Variants in SPOCK1 observed in about 807,000 individuals in gnomAD.
SPOCK1 encodes testican-1.
Under a neutral mutation model 55.3 loss-of-function variants are expected in SPOCK1, and 23 were observed. That is an observed-to-expected ratio of 0.42 (90% CI 0.30 to 0.59). SPOCK1 has a LOEUF of 0.59. Among genes scored for constraint, SPOCK1 ranks in the 20% least tolerant of loss-of-function variants. The pLI, the probability that SPOCK1 is intolerant of heterozygous loss-of-function variation, is 0.22. For missense variants in SPOCK1, 499 were observed against 552.5 expected (o/e 0.90, Z 0.97); for synonymous variants, 226 against 221.0 (o/e 1.02, Z -0.20).
rs6899243 is a variant in SPOCK1, at chr5:137,229,878, G to A, written c.232+37132C>T. On this transcript the variant is annotated intron_variant, in intron 3 of 10. Coordinates refer to ENST00000394945, the MANE Select transcript of SPOCK1 (RefSeq NM_004598.4). ...CGTACTCCTATGAGAATCTAATACC[G>A]CAACTGATCTGACAGGAGGCAGAGC... 3.1e-3 allele frequency among the ~76,000 whole-genome samples: 476 copies of A among 152,190 alleles called. 5 individuals are homozygous for A. The highest frequency in any genetic ancestry group is 4.1e-3 in the Non-Finnish European group (277 of 68,000).
chr5:137,140,747 A>ATTTTTTTTTTTTTTTTTTTT (rs11309240), intron 3 of SPOCK1, 53 bp from the exon 4 acceptor site: 3 of 328,300 alleles, frequency 9.1e-6, no homozygotes, highest in African/African-American at 3.7e-5. Context: ...GGGAAATTTA[A>ATTTTTTTTTTTTTTTTTTTT]TTTTTTTTTT....
At chr5:137,031,351 G>T (rs931500468) in intron 6 of SPOCK1, among the ~76,000 whole-genome samples, 32 of 152,288 alleles carry the variant, frequency 2.1e-4, no homozygotes, top group African/African-American at 7.2e-4. Flanking sequence ...CTCTCATGTT[G>T]AATTTCTCTG....
intron 2 of SPOCK1, among the ~76,000 whole-genome samples, chr5:137,447,260 C>G (rs979040672): frequency 6.6e-6 from 1 of 152,144 alleles, no homozygotes; most frequent in Non-Finnish European, 1.5e-5. Context: ...AAAAGGAGGG[C>G]AACAGCTGAC....
intron 2 of SPOCK1, among the ~76,000 whole-genome samples, chr5:137,309,547 G>T (rs1757753525): frequency 6.6e-6 from 1 of 152,152 alleles, no homozygotes; most frequent in South Asian, 2.1e-4. Context: ...CTTGGGACAT[G>T]CACTAAACAC....
chr5:136,984,372 A>G (rs1750799093), intron 9 of SPOCK1, among the ~76,000 whole-genome samples: 1 of 112,998 alleles, frequency 8.8e-6, no homozygotes, highest in South Asian at 2.5e-4. Context: ...TCTGCCTCTG[A>G]ATGCTTCACG....
At chr5:137,425,313 T>C (rs1752585199) in intron 2 of SPOCK1, among the ~76,000 whole-genome samples, 1 of 152,200 alleles carries the variant, frequency 6.6e-6, no homozygotes. Flanking sequence ...CCTGGAGACA[T>C]GAGAGAATAT....
chr5:137,086,994 T>G lies in SPOCK1; in HGVS notation c.475-19165A>C, dbSNP rs77222228. Among the ~76,000 whole-genome samples, 702 of 152,298 alleles carry G rather than the reference T, an allele frequency of 4.6e-3. 3 individuals carry two copies. The highest frequency in any genetic ancestry group is 0.016 in the African/African-American group (650 of 41,552). ...GATAATACAAGATAGAGCTGAGACT[T>G]GACTAATGTTTTCTGAGTTCCAATC... On this transcript the variant is annotated intron_variant, in intron 5 of 10. Coordinates refer to ENST00000394945, the MANE Select transcript of SPOCK1 (RefSeq NM_004598.4).
intron 3 of SPOCK1, among the ~76,000 whole-genome samples, chr5:137,175,698 A>C (rs1754840025): frequency 6.6e-6 from 1 of 152,200 alleles, no homozygotes; most frequent in African/African-American, 2.4e-5. Flanking sequence ...GCTTCTCACT[A>C]GGTTGTCAAA....
chr5:137,253,401 T>C (rs1718701703), intron 3 of SPOCK1, among the ~76,000 whole-genome samples: 1 of 152,220 alleles, frequency 6.6e-6, no homozygotes, highest in Non-Finnish European at 1.5e-5. Flanking sequence ...CAAAGCTGCA[T>C]AGACATAACT....
intron 3 of SPOCK1, among the ~76,000 whole-genome samples, chr5:137,201,014 C>T (rs951582566): frequency 5.3e-5 from 8 of 152,146 alleles, no homozygotes; most frequent in Admixed American, 3.3e-4. Context: ...TGTCCACTGG[C>T]ATCTTTAGAA....
intron 2 of SPOCK1, among the ~76,000 whole-genome samples, chr5:137,345,801 C>A (rs915124649): frequency 1.3e-5 from 2 of 152,138 alleles, no homozygotes; most frequent in Non-Finnish European, 2.9e-5. Context: ...CAGCATGATG[C>A]CCTCCCAGAT....
At chr5:137,395,897 G>A (rs1256647517) in intron 2 of SPOCK1, among the ~76,000 whole-genome samples, 5 of 152,166 alleles carry the variant, frequency 3.3e-5, no homozygotes, top group Non-Finnish European at 7.3e-5. Flanking sequence ...CATTCACTTA[G>A]TTTCCTCCCA....
rs1336654791 is a variant in SPOCK1, at chr5:137,444,004, A to G, written c.186+54369T>C. On this transcript the variant is annotated intron_variant, in intron 2 of 10. Coordinates refer to ENST00000394945, the MANE Select transcript of SPOCK1 (RefSeq NM_004598.4). ...CCGTTCATCATTGTACCAGGATAACAGGCATAAACAGGCATAAAGCGTGAC... is the reference window on the plus strand; with the variant it reads ...CCGTTCATCATTGTACCAGGATAACGGGCATAAACAGGCATAAAGCGTGAC... Among the ~76,000 whole-genome samples the G allele has an allele frequency of 2.6e-5, 4 of 152,348 alleles. No individual in the cohort carries two copies. The East Asian group carries it at 7.7e-4, about 29-fold the overall frequency.
intron 3 of SPOCK1, among the ~76,000 whole-genome samples, chr5:137,230,062 C>T (rs934078828): frequency 3.9e-5 from 6 of 152,180 alleles, no homozygotes; most frequent in Non-Finnish European, 7.3e-5. Flanking sequence ...ACAAAAGGGG[C>T]CAGTCAGAGA....
chr5:137,082,911 C>T (rs539911119), intron 5 of SPOCK1, among the ~76,000 whole-genome samples: 50 of 152,158 alleles, frequency 3.3e-4, no homozygotes, highest in Non-Finnish European at 5.6e-4. Flanking sequence ...GATGTCAGTC[C>T]GAATCCTGTG....
At chr5:137,213,581 A>G (rs542277788) in intron 3 of SPOCK1, among the ~76,000 whole-genome samples, 13 of 152,346 alleles carry the variant, frequency 8.5e-5, no homozygotes, top group African/African-American at 2.9e-4. Flanking sequence ...CACGCTCGCA[A>G]GAGCACTAGA....
intron 2 of SPOCK1, among the ~76,000 whole-genome samples, chr5:137,423,584 G>T (rs12652413): frequency 0.024 from 3,621 of 152,266 alleles, 74 homozygotes; most frequent in Non-Finnish European, 0.036. Flanking sequence ...CTCTGAGCCA[G>T]GCGCGGGATA....
chr5:137,289,561 G>T (rs1757329242), intron 2 of SPOCK1, among the ~76,000 whole-genome samples: 1 of 152,204 alleles, frequency 6.6e-6, no homozygotes. Flanking sequence ...CCCAGCTAGA[G>T]ATGTGTTGGT....
chr5:137,225,805 CAAAG>C (rs1173672033), intron 3 of SPOCK1, among the ~76,000 whole-genome samples: 3 of 152,096 alleles, frequency 2.0e-5, no homozygotes, highest in Non-Finnish European at 4.4e-5. Flanking sequence ...ACAACTGTGC[CAAAG>C]AAAGGAGAAA....
Sources: gnomAD v4.1 joint callset for allele counts (sites outside exome capture counted in the v4.1 genomes callset) on GRCh38, gnomAD v4.1.1 for gene constraint, MANE v1.5 for transcripts, NCBI Gene and HGNC (gene_info 2026-07-23, HGNC 2026-07-21) for gene names.